Variants in CHLSN observed in about 807,000 individuals in gnomAD.
CHLSN encodes protein cholesin.
At chr7:997,353 GTGATTCCAGAGCATCCACGC>G in the CHLSN span, 1 of 396,082 alleles carries the variant, frequency 2.5e-6, no homozygotes, top group South Asian at 8.0e-5. Flanking sequence ...AGGGGTCCGG[GTGATTCCAGAGCATCCACGC>G]TCTGCGCTGA....
At chr7:1,134,843 C>G in the CHLSN span, among the ~76,000 whole-genome samples, 10 of 152,258 alleles carry the variant, frequency 6.6e-5, no homozygotes, top group African/African-American at 2.4e-4. Context: ...CACCACTGCA[C>G]TCCAGCCTGG....
the CHLSN span, among the ~76,000 whole-genome samples, chr7:1,037,458 C>G: frequency 3.1e-5 from 4 of 128,740 alleles, no homozygotes; most frequent in Non-Finnish European, 6.9e-5. Flanking sequence ...GTTGGCCGGG[C>G]CGGTCTCCAG....
the CHLSN span, among the ~76,000 whole-genome samples, chr7:1,005,677 C>T: frequency 3.3e-5 from 5 of 152,234 alleles, no homozygotes; most frequent in African/African-American, 9.6e-5. Context: ...CCGGAGGCCA[C>T]GGGGTGCAAG....
the CHLSN span, among the ~76,000 whole-genome samples, chr7:984,236 G>A: frequency 6.1e-4 from 93 of 152,210 alleles, no homozygotes; most frequent in Admixed American, 4.6e-4. Context: ...GCTCCAGGCT[G>A]GGCGCTGCCC....
chr7:1,057,541 G>C, the CHLSN span: 2 of 773,214 alleles, frequency 2.6e-6, no homozygotes, highest in Non-Finnish European at 4.8e-6. Flanking sequence ...TGGTTCAACG[G>C]CACAGGGCTG....
the CHLSN span, among the ~76,000 whole-genome samples, chr7:1,091,009 C>T: frequency 6.6e-6 from 1 of 152,308 alleles, no homozygotes; most frequent in East Asian, 1.9e-4. Flanking sequence ...CCCTTCCTAT[C>T]TTACTTCTCC....
the CHLSN span, among the ~76,000 whole-genome samples, chr7:1,041,215 G>A: frequency 6.9e-6 from 1 of 145,764 alleles, no homozygotes; most frequent in African/African-American, 2.5e-5. Context: ...TGCAGGGAAC[G>A]GGACCTGGGC....
the CHLSN span, among the ~76,000 whole-genome samples, chr7:1,073,406 G>A: frequency 6.6e-6 from 1 of 152,080 alleles, no homozygotes; most frequent in African/African-American, 2.4e-5. Flanking sequence ...CGCCCCAGCT[G>A]AGCTCCCGCC....
At chr7:1,081,181 G>A in the CHLSN span, among the ~76,000 whole-genome samples, 4 of 152,250 alleles carry the variant, frequency 2.6e-5, no homozygotes, top group Non-Finnish European at 5.9e-5. Flanking sequence ...GGCCGGGGAC[G>A]GTGCCGGGCA....
chr7:1,028,327 C>A, the CHLSN span: 2 of 1,027,212 alleles, frequency 1.9e-6, no homozygotes, highest in Non-Finnish European at 2.3e-6. Flanking sequence ...CAGTGCGCAC[C>A]GCCCGGCCCG....
chr7:1,007,312 G>A, the CHLSN span, among the ~76,000 whole-genome samples: 3 of 152,250 alleles, frequency 2.0e-5, no homozygotes, highest in African/African-American at 4.8e-5. Flanking sequence ...TCCCAGTCCA[G>A]GGCCTCTGCA....
the CHLSN span, among the ~76,000 whole-genome samples, chr7:1,059,979 G>GCGGGTCTTAGTGGGA: frequency 7.3e-6 from 1 of 137,410 alleles, no homozygotes; most frequent in Admixed American, 7.3e-5. Context: ...CCGTAGTGGG[G>GCGGGTCTTAGTGGGA]CGGGTCTTAG....
At chr7:1,112,048 C>T in the CHLSN span, among the ~76,000 whole-genome samples, 1 of 152,158 alleles carries the variant, frequency 6.6e-6, no homozygotes, top group Admixed American at 6.5e-5. Context: ...ATACACATTA[C>T]TTTTTTAAAA....
chr7:1,091,731 G>T, the CHLSN span: 1 of 1,526,642 alleles, frequency 6.6e-7, no homozygotes, highest in South Asian at 1.3e-5. Flanking sequence ...GCAGAGACAT[G>T]GATGTGACTT....
At chr7:1,100,712 C>T in the CHLSN span, among the ~76,000 whole-genome samples, 5 of 152,096 alleles carry the variant, frequency 3.3e-5, no homozygotes, top group Non-Finnish European at 5.9e-5. Flanking sequence ...CCAGCCGGAG[C>T]CCCTCACTGT....
the CHLSN span, among the ~76,000 whole-genome samples, chr7:999,708 G>C: frequency 6.6e-6 from 1 of 152,180 alleles, no homozygotes; most frequent in African/African-American, 2.4e-5. Flanking sequence ...CACGGCAGGA[G>C]AAAACCGCCC....
chr7:1,020,719 C>T, the CHLSN span, among the ~76,000 whole-genome samples: 1 of 152,236 alleles, frequency 6.6e-6, no homozygotes, highest in South Asian at 2.1e-4. Flanking sequence ...CACCTCTGAT[C>T]TCAGGGGCAG....
the CHLSN span, among the ~76,000 whole-genome samples, chr7:1,124,777 G>A: frequency 2.0e-5 from 3 of 151,884 alleles, no homozygotes; most frequent in African/African-American, 7.3e-5. Context: ...GTCAGCCTGG[G>A]AGACACAGGA....
chr7:1,058,321 A>T, the CHLSN span: 3 of 777,062 alleles, frequency 3.9e-6, no homozygotes, highest in Non-Finnish European at 4.8e-6. Flanking sequence ...GTGGACGCAC[A>T]CTACCTGGGG....
Sources: gnomAD v4.1 joint callset for allele counts (sites outside exome capture counted in the v4.1 genomes callset) on GRCh38, gnomAD v4.1.1 for gene constraint, MANE v1.5 for transcripts, NCBI Gene and HGNC (gene_info 2026-07-23, HGNC 2026-07-21) for gene names.